NTM: variants seen among roughly 807,000 people sequenced by gnomAD.
NTM encodes neurotrimin.
Under a neutral mutation model 42.1 loss-of-function variants are expected in NTM, and 13 were observed. The ratio of observed to expected loss-of-function variants is 0.31; its 90% CI spans 0.20 to 0.49. NTM has a LOEUF of 0.49. Among genes scored for constraint, NTM ranks in the 20% least tolerant of loss-of-function variants. The pLI, the probability that NTM is intolerant of heterozygous loss-of-function variation, is 0.99. For missense variants in NTM, 373 were observed against 452.8 expected, an observed-to-expected ratio of 0.82 and a Z score of 1.60; for synonymous variants, 187 against 179.2, an observed-to-expected ratio of 1.04 and a Z score of -0.35.
intron 2 of NTM, among the ~76,000 whole-genome samples, chr11:131,933,765 T>C (rs2058896709): frequency 6.6e-6 from 1 of 152,130 alleles, no homozygotes; most frequent in South Asian, 2.1e-4. Context: ...TTTGGGTTAT[T>C]GAAATAGATG....
At chr11:132,210,048 A>C (rs1802567871) in intron 3 of NTM, among the ~76,000 whole-genome samples, 1 of 152,200 alleles carries the variant, frequency 6.6e-6, no homozygotes, top group Admixed American at 6.5e-5. Flanking sequence ...CCAGCATTAA[A>C]ATTTGCAAAC....
In NTM at chr11:131,888,929, C is replaced by T. The variant is rs180696301; in HGVS notation, c.83-22635C>T. Among the ~76,000 whole-genome samples, 457 of 150,956 alleles carry T rather than the reference C, an allele frequency of 3.0e-3. 3 individuals carry two copies. Among genetic ancestry groups the T allele is most frequent in the African/African-American group, 0.01 (418 of 41,168 alleles). On this transcript the variant is annotated intron_variant, in intron 1 of 8. Transcript: ENST00000683400. Reference sequence around the variant, plus strand: ...CTTTATTTTTTTTTTTTTTATTTTACCAGTGACAAGGACCGTGGACATAAT... The same window carrying T: ...CTTTATTTTTTTTTTTTTTATTTTATCAGTGACAAGGACCGTGGACATAAT...
intron 1 of NTM, among the ~76,000 whole-genome samples, chr11:131,564,490 C>T (rs1160897414): frequency 6.6e-6 from 1 of 151,640 alleles, no homozygotes; most frequent in Non-Finnish European, 1.5e-5. Context: ...TCTTTAGTGT[C>T]TCTTCTTTTT....
intron 1 of NTM, among the ~76,000 whole-genome samples, chr11:131,870,834 G>A (rs539574298): frequency 1.5e-4 from 23 of 152,156 alleles, no homozygotes; most frequent in Middle Eastern, 3.4e-3. Flanking sequence ...CTTATCTTCG[G>A]TCTCCCCACC....
At chr11:132,173,299 G>C (rs2076351825) in intron 3 of NTM, among the ~76,000 whole-genome samples, 1 of 152,088 alleles carries the variant, frequency 6.6e-6, no homozygotes, top group Admixed American at 6.5e-5. Flanking sequence ...TCTATTTTAT[G>C]ACTAATAAAT....
In NTM at chr11:132,002,554, G is replaced by C. The variant is rs188161160; in HGVS notation, c.167+90906G>C. The stretch of plus-strand genomic sequence containing the variant: ...AGAATGAAATGATGTGTTGGTGTCT[G>C]TCCCCCAAATTGGAGGCTTCTGGCC... On this transcript the variant is annotated intron_variant, in intron 2 of 8. Coordinates refer to ENST00000683400, the MANE Select transcript of NTM (RefSeq NM_001352005.2). This position sits in a 1 kb window ranked among gnomAD's most constrained non-coding sequence, Gnocchi z 4.5. Among the ~76,000 whole-genome samples the C allele has an allele frequency of 6.6e-6, 1 of 152,162 alleles. No individual in the cohort carries two copies. The highest frequency in any genetic ancestry group is 1.5e-5 in the Non-Finnish European group (1 of 68,038).
intron 2 of NTM, among the ~76,000 whole-genome samples, chr11:132,081,689 A>G (rs1594457621): frequency 6.7e-6 from 1 of 149,648 alleles, no homozygotes; most frequent in South Asian, 2.1e-4. Flanking sequence ...CCGAGATTGC[A>G]CTCCAGCCTG....
intron 2 of NTM, among the ~76,000 whole-genome samples, chr11:132,102,548 C>G (rs1019910859): frequency 1.3e-5 from 2 of 152,160 alleles, no homozygotes; most frequent in Non-Finnish European, 2.9e-5. Context: ...GAAAATATCC[C>G]TTCTTCTTAT....
chr11:132,074,100 A>G (rs2058058171), intron 2 of NTM, among the ~76,000 whole-genome samples: 2 of 152,222 alleles, frequency 1.3e-5, no homozygotes, highest in Admixed American at 1.3e-4. Flanking sequence ...ATTTTTCAGT[A>G]GGCCACCAGA....
chr11:131,810,975 T>A (rs1033083515), intron 1 of NTM, among the ~76,000 whole-genome samples: 3 of 152,214 alleles, frequency 2.0e-5, no homozygotes, highest in African/African-American at 7.2e-5. Flanking sequence ...AATTTATTAC[T>A]TCTAATAATA....
At chr11:131,661,200 T>A in intron 1 of NTM, 1 of 407,144 alleles carries the variant, frequency 2.5e-6, no homozygotes, top group Non-Finnish European at 4.6e-6. Context: ...GAAAGGGGTT[T>A]GTCCTGTGAC....
At chr11:131,735,202 C>T (rs1398284805) in intron 1 of NTM, among the ~76,000 whole-genome samples, 2 of 152,162 alleles carry the variant, frequency 1.3e-5, no homozygotes, top group Admixed American at 6.5e-5. Flanking sequence ...ACTATTTCTC[C>T]TCTGGCTAGA....
intron 2 of NTM, among the ~76,000 whole-genome samples, chr11:131,930,445 A>T (rs955828458): frequency 2.6e-5 from 4 of 152,182 alleles, no homozygotes; most frequent in Admixed American, 2.0e-4. Flanking sequence ...GGAGCACAAT[A>T]TTTTATGTGT....
At chr11:132,136,122 C>T (rs1400032096) in intron 2 of NTM, among the ~76,000 whole-genome samples, 2 of 152,208 alleles carry the variant, frequency 1.3e-5, no homozygotes, top group African/African-American at 2.4e-5. Context: ...GTGGGCTCTA[C>T]AGGATAGGGA....
intron 2 of NTM, among the ~76,000 whole-genome samples, chr11:131,948,177 C>G (rs1396711753): frequency 1.3e-5 from 2 of 151,730 alleles, no homozygotes; most frequent in African/African-American, 4.8e-5. Context: ...CTGGCTAACA[C>G]AGTGAAACCC....
intron 2 of NTM, among the ~76,000 whole-genome samples, chr11:132,130,232 G>A (rs1476296624): frequency 6.6e-6 from 1 of 152,140 alleles, no homozygotes; most frequent in African/African-American, 2.4e-5. Context: ...AGCGGGATGA[G>A]GGAAAGACAG....
rs778031209 is a variant in NTM, at chr11:132,146,499, C to T, written c.385C>T (p.His129Tyr). Residue 129 changes from histidine to tyrosine, a missense_variant, in exon 3 of 9, where the codon CAC becomes TAC. Coordinates refer to ENST00000683400, the MANE Select transcript of NTM (RefSeq NM_001352005.2). This position sits in a 1 kb window ranked among gnomAD's most constrained non-coding sequence, Gnocchi z 4.5. ...CAACCACCCAAAGACCTCTAGGGTC[C>T]ACCTCATTGTGCAAGGTAGGTGGGC... ...TDNHPKTSRV[H>Y]LIVQVSPKIV... 3.1e-6 allele frequency: 5 copies of T among 1,614,006 alleles called. No individual in the cohort carries two copies. Among genetic ancestry groups the T allele is most frequent in the African/African-American group, 2.7e-5 (2 of 74,918 alleles).
At position 131,458,238 on chromosome 11, in the gene NTM, A is replaced by C. The variant is rs1591725527; in HGVS notation, c.82+87350A>C. Among the ~76,000 whole-genome samples the C allele has an allele frequency of 2.0e-5, 3 of 152,322 alleles. No homozygotes were observed. In the South Asian group the frequency reaches 6.2e-4, roughly 32 times the overall value. On this transcript the variant is annotated intron_variant, in intron 1 of 8. Coordinates refer to ENST00000683400, the MANE Select transcript of NTM (RefSeq NM_001352005.2). ...TATGCAGGAGAGCAATCAACAGTACAAGTGCTGCTGGCAGGTGGAGTGAGC... is the reference window on the plus strand; with the variant it reads ...TATGCAGGAGAGCAATCAACAGTACCAGTGCTGCTGGCAGGTGGAGTGAGC...
At chr11:131,966,210 G>GAATC (rs1555196767) in intron 2 of NTM, among the ~76,000 whole-genome samples, 2 of 152,104 alleles carry the variant, frequency 1.3e-5, no homozygotes, top group Non-Finnish European at 2.9e-5. Context: ...AATGGATCCT[G>GAATC]ATTCATTCAT....
Sources: gnomAD v4.1 joint callset for allele counts (sites outside exome capture counted in the v4.1 genomes callset) on GRCh38, gnomAD v4.1.1 for gene constraint, Gnocchi (gnomAD v3.1) non-coding constraint, MANE v1.5 for transcripts, NCBI Gene and HGNC (gene_info 2026-07-23, HGNC 2026-07-21) for gene names.